The following MEI1 variants were observed in gnomAD, a reference collection of about 807,000 sequenced individuals.
MEI1 encodes meiotic double-stranded break formation protein 1.
In MEI1, 103 loss-of-function variants were observed where a neutral mutation model predicts 146.2. The ratio of observed to expected loss-of-function variants is 0.70; its 90% CI spans 0.60 to 0.83. The LOEUF is 0.83. MEI1 is among the 40% of genes least tolerant of loss of function. The probability of loss-of-function intolerance (pLI) is 0.00; values close to 1 mark genes in which losing one functional copy is unlikely to be tolerated. For missense variants in MEI1, 1,529 were observed against 1,533.0 expected (o/e 1.00, Z 0.04); for synonymous variants, 652 against 628.2 (o/e 1.04, Z -0.57).
chr22:41,700,271 T>C (rs2068599322), intron 1 of MEI1, among the ~76,000 whole-genome samples: 1 of 152,174 alleles, frequency 6.6e-6, no homozygotes, highest in South Asian at 2.1e-4. Context: ...GACTGTTCCT[T>C]GGGCAGAGCT....
chr22:41,699,665 C>G lies in MEI1; in HGVS notation c.127C>G (p.Leu43Val), dbSNP rs1301289744. 1 of 1,591,276 alleles carries G rather than the reference C, an allele frequency of 6.3e-7. No homozygotes were observed. The highest frequency in any genetic ancestry group is 2.3e-5 in the East Asian group (1 of 43,934). The part of the protein sequence containing the change: ...PRWLLPVTPR[L>V]CLACALELLP... ...CTGGCTGCTGCCCGTGACCCCCCGC[C>G]TGTGCCTGGCCTGCGCGCTGGAGCT... The change falls in exon 1 of 31, where the codon CTG becomes GTG. Residue 43 changes from leucine (L) to valine (V), a missense_variant. By Grantham distance (32) the Leu-to-Val change is conservative (BLOSUM62 1). Transcript: ENST00000401548.
At chr22:41,778,349 A>G (rs1176055013) in intron 21 of MEI1, among the ~76,000 whole-genome samples, 4 of 152,246 alleles carry the variant, frequency 2.6e-5, no homozygotes, top group African/African-American at 7.2e-5. Flanking sequence ...ACAAACATTC[A>G]GACCACAGCA....
At chr22:41,714,671 G>T (rs2069922728) in intron 4 of MEI1, among the ~76,000 whole-genome samples, 2 of 150,850 alleles carry the variant, frequency 1.3e-5, no homozygotes, top group South Asian at 4.2e-4. Context: ...AGGAGTTCGA[G>T]ATCAGCCTGG....
intron 19 of MEI1, among the ~76,000 whole-genome samples, chr22:41,764,508 C>G (rs572820677): frequency 1.1e-3 from 164 of 152,240 alleles, no homozygotes; most frequent in African/African-American, 3.6e-3. Flanking sequence ...TCACATTTGC[C>G]TCAACAGTAA....
intron 3 of MEI1, among the ~76,000 whole-genome samples, chr22:41,707,781 C>T (rs987069240): frequency 1.3e-5 from 2 of 152,212 alleles, no homozygotes; most frequent in African/African-American, 4.8e-5. Flanking sequence ...ATAGCCTTGC[C>T]ATCTCTTTCT....
rs560239418 is a variant in MEI1 at position 41,720,865 on chromosome 22, A to G, written c.733+2591A>G. On this transcript the variant is annotated intron_variant, in intron 6 of 30. Transcript: ENST00000401548. Reference sequence around the variant, plus strand: ...CTGCTCACTGCAAGCTCCGCCTCCCAGGTTCACGCCATTCTCCTGCCTCAG... The same window carrying G: ...CTGCTCACTGCAAGCTCCGCCTCCCGGGTTCACGCCATTCTCCTGCCTCAG... 5.1e-3 allele frequency among the ~76,000 whole-genome samples: 748 copies of G among 145,870 alleles called. 7 individuals carry two copies. Among genetic ancestry groups the G allele is most frequent in the African/African-American group, 0.016 (642 of 39,362 alleles).
At chr22:41,777,619 G>A (rs2075520454) in intron 21 of MEI1, among the ~76,000 whole-genome samples, 2 of 152,200 alleles carry the variant, frequency 1.3e-5, no homozygotes, top group Non-Finnish European at 2.9e-5. Context: ...ACCTTAAGAT[G>A]TAGTGGAAAC....
chr22:41,735,549 T>A (rs958772153), intron 11 of MEI1, among the ~76,000 whole-genome samples: 13 of 152,312 alleles, frequency 8.5e-5, no homozygotes, highest in East Asian at 1.9e-4. Flanking sequence ...TTATTTTTTT[T>A]ATAGATTTTA....
At chr22:41,725,985 A>C (rs73426935) in intron 7 of MEI1, among the ~76,000 whole-genome samples, 2,462 of 152,282 alleles carry the variant, frequency 0.016, 61 homozygotes, top group African/African-American at 0.055. Flanking sequence ...CTCTGGTTAG[A>C]AGTGAGAAGG....
At chr22:41,798,998 G>A (rs926732434) in intron 30 of MEI1, among the ~76,000 whole-genome samples, 2 of 152,140 alleles carry the variant, frequency 1.3e-5, no homozygotes, top group Non-Finnish European at 2.9e-5. Context: ...GTGTGTGTGA[G>A]GGTAGTTTGC....
chr22:41,718,253 G>A lies in MEI1; in HGVS notation c.712G>A (p.Glu238Lys), dbSNP rs1486319097. 6.2e-7 allele frequency: 1 copy of A among 1,613,932 alleles called. No individual in the cohort carries two copies. The highest frequency in any genetic ancestry group is 8.5e-7 in the Non-Finnish European group (1 of 1,179,886). ...CATCCTGGATGGTGCCCAGACAAAG[G>A]AGCTGCAGATTAACTGCTTGGGTAA... ...LSILDGAQTK[E>K]LQINCLGLLR... Residue 238 changes from glutamate to lysine, a missense_variant, in exon 6 of 31, where the codon GAG becomes AAG. Glu to Lys is a moderately conservative substitution (Grantham distance 56). This residue lies in a region of MEI1 where 1,212 missense variants were observed against 1,178.9 expected (regional missense o/e 1.03). Transcript: ENST00000401548.
intron 6 of MEI1, among the ~76,000 whole-genome samples, chr22:41,721,015 G>A (rs998181299): frequency 1.3e-5 from 2 of 150,374 alleles, no homozygotes; most frequent in African/African-American, 2.5e-5. Context: ...TCCTGACCTC[G>A]TGATCCACCC....
intron 12 of MEI1, among the ~76,000 whole-genome samples, chr22:41,743,448 C>A (rs1440243660): frequency 2.2e-5 from 1 of 44,544 alleles, no homozygotes; most frequent in East Asian, 1.7e-3. Context: ...TATAAAGTAC[C>A]TAAGCCTAGA....
chr22:41,712,063 C>T (rs2069614215), intron 3 of MEI1, among the ~76,000 whole-genome samples: 1 of 150,542 alleles, frequency 6.6e-6, no homozygotes. Flanking sequence ...ATTAGCCAGG[C>T]GTGGGGGGCG....
At chr22:41,719,763 A>G (rs533841371) in intron 6 of MEI1, among the ~76,000 whole-genome samples, 2 of 152,134 alleles carry the variant, frequency 1.3e-5, no homozygotes, top group African/African-American at 4.8e-5. Flanking sequence ...CTCTCCTGCT[A>G]TTTTTTTACA....
intron 30 of MEI1, among the ~76,000 whole-genome samples, chr22:41,797,356 A>G (rs2076399500): frequency 6.6e-6 from 1 of 152,134 alleles, no homozygotes; most frequent in Admixed American, 6.5e-5. Flanking sequence ...TCACGCCTGT[A>G]ATCCTAGCAC....
At chr22:41,700,609 G>T (rs906582810) in intron 1 of MEI1, among the ~76,000 whole-genome samples, 1 of 151,878 alleles carries the variant, frequency 6.6e-6, no homozygotes, top group Non-Finnish European at 1.5e-5. Context: ...GGGATTATAG[G>T]CGTGAGCCAC....
rs756679247 is a variant in MEI1, at chr22:41,795,571, AC to A, written c.3666+30del. 3 of 1,613,374 alleles carry A rather than the reference AC, an allele frequency of 1.9e-6. No individual in the cohort carries two copies. The highest frequency in any genetic ancestry group is 2.7e-5 in the African/African-American group (2 of 75,012). ...GGTGGGAAGGGGAGGCCATGCAGCC[AC>A]TGTAAAGCTAGACCCTCAACACCAT... On this transcript the variant is annotated intron_variant, in intron 29 of 30. Coordinates refer to ENST00000401548, the MANE Select transcript of MEI1 (RefSeq NM_152513.4). The surrounding 1 kb of genome is among the most constrained non-coding windows in gnomAD (Gnocchi z 4.2).
In MEI1 at chr22:41,763,226, C is replaced by T; in HGVS notation, c.2173C>T (p.Leu725=). The T allele has an allele frequency of 6.2e-7, 1 of 1,613,936 alleles. No homozygotes were observed. Among genetic ancestry groups the T allele is most frequent in the African/African-American group, 1.3e-5 (1 of 75,062 alleles). The stretch of plus-strand genomic sequence containing the variant: ...GGCTGTGCAAAGCTTCCTCCTGTCG[C>T]TGCAGGACCAGGGCGAGCGCCCCCC... ...FEAVQSFLLS[L]QDQGERPPLV... The change falls in exon 19 of 31, where the codon CTG becomes TTG. Residue 725 remains leucine (L), a synonymous_variant. Transcript: ENST00000401548.
Sources: gnomAD v4.1 joint callset for allele counts (sites outside exome capture counted in the v4.1 genomes callset) on GRCh38, gnomAD v4.1.1 for gene constraint, gnomAD v4.1.1 regional missense constraint, Gnocchi (gnomAD v3.1) non-coding constraint, MANE v1.5 for transcripts, NCBI Gene and HGNC (gene_info 2026-07-23, HGNC 2026-07-21) for gene names.